The following HAUS8 variants were observed in gnomAD, a reference collection of about 807,000 sequenced individuals.
HAUS8 encodes HAUS augmin-like complex subunit 8.
In HAUS8, 38 loss-of-function variants were observed where a neutral mutation model predicts 42.9. The observed-to-expected ratio is 0.89, with a 90% CI of 0.68 to 1.16. The LOEUF (loss-of-function observed/expected upper bound fraction) is 1.16. Ranked by LOEUF, HAUS8 falls within the 50% of genes most tolerant of loss-of-function variation. The pLI is 0.00. For synonymous variants in HAUS8, 199 were observed against 205.8 expected, an observed-to-expected ratio of 0.97 and a Z score of 0.28; for missense variants, 494 against 511.6, an observed-to-expected ratio of 0.97 and a Z score of 0.33.
intron 9 of HAUS8, 179 bp downstream of exon 9, chr19:17,055,682 T>C: frequency 1.6e-6 from 1 of 637,784 alleles, no homozygotes; most frequent in Non-Finnish European, 2.7e-6. Flanking sequence ...CAAATCCCAG[T>C]GTGGTTACTT....
intron 1 of HAUS8, chr19:17,073,576 C>T (rs2057441793): frequency 1.8e-6 from 1 of 556,882 alleles, no homozygotes; most frequent in African/African-American, 1.9e-5. Context: ...GTAATGAGAG[C>T]TCTGTGGAAG....
rs977119201 is a variant in HAUS8 at position 17,058,282 on chromosome 19, C to T, written c.645+267G>A. 2.6e-5 allele frequency among the ~76,000 whole-genome samples: 4 copies of T among 152,256 alleles called. No homozygotes were observed. The South Asian group carries it at 6.2e-4, about 24-fold the overall frequency. On this transcript the variant is annotated intron_variant, in intron 8 of 10. Coordinates refer to ENST00000253669, the MANE Select transcript of HAUS8 (RefSeq NM_033417.2). Reference sequence around the variant, plus strand: ...GAGCACGTCATCCTGTTGCTGCTCACGATCATCAGGCGCTCAGGAAGTCTC... The same window carrying T: ...GAGCACGTCATCCTGTTGCTGCTCATGATCATCAGGCGCTCAGGAAGTCTC...
intron 2 of HAUS8, among the ~76,000 whole-genome samples, chr19:17,073,052 C>G (rs2057438123): frequency 6.6e-6 from 1 of 152,086 alleles, no homozygotes; most frequent in South Asian, 2.1e-4. Flanking sequence ...AGCCCATGAC[C>G]CCCATGGCTG....
rs773348789 is a variant in HAUS8, at chr19:17,052,858, T to C, written c.896A>G (p.Asp299Gly). Residue 299 changes from aspartate to glycine, a missense_variant, in exon 10 of 11, where the codon GAC becomes GGC. Physicochemically the swap from Asp to Gly is moderately conservative, Grantham distance 94. Coordinates refer to ENST00000253669, the MANE Select transcript of HAUS8 (RefSeq NM_033417.2). ...CTCAAGGTCCTTTTTCGCCGTCACGTCCTTGAGTTCGCTCAGTAAGTCCAG... is the reference window on the plus strand; with the variant it reads ...CTCAAGGTCCTTTTTCGCCGTCACGCCCTTGAGTTCGCTCAGTAAGTCCAG... ...QVLDLLSELK[D>G]VTAKKDLELR... 21 of 1,614,070 alleles carry C rather than the reference T, an allele frequency of 1.3e-5. No homozygotes were observed. The South Asian group carries it at 1.9e-4, about 14-fold the overall frequency.
intron 9 of HAUS8, among the ~76,000 whole-genome samples, chr19:17,054,118 C>T (rs2057305412): frequency 6.6e-6 from 1 of 152,094 alleles, no homozygotes; most frequent in Admixed American, 6.5e-5. Context: ...CCTGACAGCC[C>T]CTGGAGGGAG....
At chr19:17,071,037 T>G (rs899654670) in intron 2 of HAUS8, among the ~76,000 whole-genome samples, 3 of 148,056 alleles carry the variant, frequency 2.0e-5, no homozygotes, top group Non-Finnish European at 4.4e-5. Flanking sequence ...GCCATTGCAC[T>G]CCAGCCTGGC....
chr19:17,053,433 T>A (rs762240598), intron 9 of HAUS8: 25 of 162,312 alleles, frequency 1.5e-4, no homozygotes, highest in South Asian at 1.2e-3. Context: ...CAGTCGTACA[T>A]GAGAGTCACA....
intron 3 of HAUS8, among the ~76,000 whole-genome samples, chr19:17,068,019 C>G (rs1414423693): frequency 3.3e-5 from 5 of 151,832 alleles, no homozygotes; most frequent in Non-Finnish European, 7.4e-5. Flanking sequence ...GTTCACTAAA[C>G]TCTTACTCCA....
At position 17,058,542 on chromosome 19, in the gene HAUS8, A is replaced by G; in HGVS notation, c.645+7T>C. Reference sequence around the variant, plus strand: ...TCACTGGTCACAGAGTGTCACTTACAACTGACCTGGGCATCCAGGACATCT... The same window carrying G: ...TCACTGGTCACAGAGTGTCACTTACGACTGACCTGGGCATCCAGGACATCT... On this transcript the variant is annotated splice_region_variant and intron_variant, in intron 8 of 10. Coordinates refer to ENST00000253669, the MANE Select transcript of HAUS8 (RefSeq NM_033417.2). The G allele has an allele frequency of 6.3e-7, 1 of 1,588,914 alleles. No individual in the cohort carries two copies. The highest frequency in any genetic ancestry group is 8.5e-7 in the Non-Finnish European group (1 of 1,170,058).
At position 17,052,680 on chromosome 19, in the gene HAUS8, A is replaced by G. The variant is rs1205848540; in HGVS notation, c.929+145T>C. 1.9e-5 allele frequency: 15 copies of G among 781,948 alleles called. No individual in the cohort carries two copies. The Admixed American group carries it at 3.0e-4, about 15-fold the overall frequency. 48.4% of individuals were successfully genotyped at this position (781,948 alleles called of 1,614,324 possible). A position where few individuals can be genotyped will look rare whatever the true frequency, so the allele number is the denominator to read the frequency against. Reference sequence around the variant, plus strand: ...CCTGCTGGCCATTCTTGTATCATGCAGCGTCTGGGAAAAGAGCAGCTCGCT... The same window carrying G: ...CCTGCTGGCCATTCTTGTATCATGCGGCGTCTGGGAAAAGAGCAGCTCGCT... On this transcript the variant is annotated intron_variant, in intron 10 of 10. Transcript: ENST00000253669.
At chr19:17,054,347 C>A (rs2123360395) in intron 9 of HAUS8, among the ~76,000 whole-genome samples, 1 of 152,126 alleles carries the variant, frequency 6.6e-6, no homozygotes, top group South Asian at 2.1e-4. Context: ...GTGGAGGTGA[C>A]CGCAGTCATA....
intron 2 of HAUS8, among the ~76,000 whole-genome samples, chr19:17,071,050 CAG>C (rs919936962): frequency 2.8e-5 from 4 of 143,484 alleles, no homozygotes; most frequent in Non-Finnish European, 6.0e-5. Flanking sequence ...AGCCTGGCGA[CAG>C]AGTTAGACTT....
intron 4 of HAUS8, 146 bp from the exon 5 acceptor site, chr19:17,060,238 A>G (rs2057352437): frequency 1.8e-6 from 1 of 545,528 alleles, no homozygotes. Context: ...AAAAAAAAAA[A>G]AAAAAAAAAC....
At chr19:17,068,102 T>TA (rs1379054795) in intron 3 of HAUS8, among the ~76,000 whole-genome samples, 1 of 138,086 alleles carries the variant, frequency 7.2e-6, no homozygotes, top group Admixed American at 7.1e-5. Context: ...TTTTATTCTT[T>TA]TTTTTTTTTT....
intron 9 of HAUS8, chr19:17,053,289 C>T: frequency 2.9e-6 from 1 of 339,082 alleles, no homozygotes; most frequent in Non-Finnish European, 5.6e-6. Flanking sequence ...GGCCTCCAAG[C>T]CAGACCATGA....
At chr19:17,051,566 G>T (rs1236830655) in intron 10 of HAUS8, 2 of 152,040 alleles carry the variant, frequency 1.3e-5, no homozygotes, top group African/African-American at 4.8e-5. Context: ...CACCAACAGG[G>T]CTGATGTGAG....
intron 8 of HAUS8, among the ~76,000 whole-genome samples, chr19:17,056,703 G>A (rs976562132): frequency 6.6e-6 from 1 of 152,048 alleles, no homozygotes; most frequent in African/African-American, 2.4e-5. Context: ...CAATTCTTGC[G>A]CCTCAGTCTC....
rs1568635009 is a variant in HAUS8, at chr19:17,055,193, A to ATAT, written c.787+667_787+668insATA. The ATAT allele has an allele frequency of 1.4e-4, 11 of 78,002 alleles. 1 individual carries two copies. The highest frequency in any genetic ancestry group is 7.0e-4 in the African/African-American group (11 of 15,710). 4.8% of individuals were successfully genotyped at this position (78,002 alleles called of 1,614,324 possible). A position where few individuals can be genotyped will look rare whatever the true frequency, so the allele number is the denominator to read the frequency against. ...ATATATATATATATATATATATATAAGCCAGGTGTGGTGGTGCCCACGTGT... is the reference window on the plus strand; with the variant it reads ...ATATATATATATATATATATATATAATATGCCAGGTGTGGTGGTGCCCACGTGT... On this transcript the variant is annotated intron_variant, in intron 9 of 10. Coordinates refer to ENST00000253669, the MANE Select transcript of HAUS8 (RefSeq NM_033417.2).
intron 1 of HAUS8, chr19:17,074,174 A>C (rs375472262): frequency 1.3e-5 from 2 of 152,608 alleles, no homozygotes; most frequent in South Asian, 2.1e-4. Flanking sequence ...TGGTGAGAAA[A>C]GAAGGGATCC....
Sources: allele counts gnomAD v4.1 joint callset (sites outside exome capture counted in the v4.1 genomes callset), GRCh38; gene constraint gnomAD v4.1.1; transcripts MANE v1.5; gene names NCBI Gene and HGNC (gene_info 2026-07-23, HGNC 2026-07-21).